The following SEMA5B variants were observed in gnomAD, a reference collection of about 807,000 sequenced individuals.
SEMA5B encodes semaphorin 5B.
Under a neutral mutation model 135.0 loss-of-function variants are expected in SEMA5B, and 66 were observed. The ratio of observed to expected loss-of-function variants is 0.49; its 90% CI spans 0.40 to 0.60. SEMA5B has a LOEUF of 0.60. Ranked by LOEUF, SEMA5B falls within the 20% of genes least tolerant of loss-of-function variation. The probability of loss-of-function intolerance (pLI) is 0.00; values close to 1 mark genes in which losing one functional copy is unlikely to be tolerated. For missense variants in SEMA5B, 1,501 were observed against 1,566.3 expected (o/e 0.96, Z 0.70); for synonymous variants, 690 against 639.5 (o/e 1.08, Z -1.19).
At chr3:122,944,841 G>GGT (rs1939713679) in intron 3 of SEMA5B, among the ~76,000 whole-genome samples, 1 of 152,192 alleles carries the variant, frequency 6.6e-6, no homozygotes, top group East Asian at 1.9e-4. Flanking sequence ...CCCATGGATG[G>GGT]GTGGGAATTG....
intron 1 of SEMA5B, among the ~76,000 whole-genome samples, chr3:122,986,367 A>C (rs530861398): frequency 5.9e-5 from 9 of 152,372 alleles, no homozygotes; most frequent in African/African-American, 2.2e-4. Flanking sequence ...ATATACAACC[A>C]TTTTTGACAT....
chr3:123,011,892 CG>C (rs1942445229), intron 1 of SEMA5B, among the ~76,000 whole-genome samples: 1 of 152,184 alleles, frequency 6.6e-6, no homozygotes, highest in Non-Finnish European at 1.5e-5. Context: ...AGCAAGACAG[CG>C]CTTCTGAACA....
At chr3:122,976,127 G>C (rs1261966278) in intron 1 of SEMA5B, 1 of 1,535,194 alleles carries the variant, frequency 6.5e-7, no homozygotes, top group African/African-American at 1.4e-5. Context: ...GCAGCATGTG[G>C]TTTATACACT....
intron 21 of SEMA5B, 74 bp downstream of exon 21, chr3:122,911,417 A>G (rs1937694061): frequency 1.3e-6 from 2 of 1,570,186 alleles, no homozygotes; most frequent in Non-Finnish European, 8.6e-7. Flanking sequence ...GGATGTGGAA[A>G]GAGTCCAGAC....
At chr3:122,938,475 G>A (rs35311190) in intron 5 of SEMA5B, among the ~76,000 whole-genome samples, 22,233 of 152,096 alleles carry the variant, frequency 0.15, 1,980 homozygotes, top group East Asian at 0.35. Context: ...GGACCCAGGT[G>A]TGGCCAGAAT....
intron 1 of SEMA5B, among the ~76,000 whole-genome samples, chr3:123,004,751 C>T (rs1273213635): frequency 6.6e-6 from 1 of 152,284 alleles, no homozygotes; most frequent in African/African-American, 2.4e-5. Flanking sequence ...ATTGATTGCA[C>T]CTCATTTCCG....
chr3:122,979,794 TGGCCA>T, intron 1 of SEMA5B, among the ~76,000 whole-genome samples: 1 of 152,368 alleles, frequency 6.6e-6, no homozygotes, highest in Admixed American at 6.5e-5. Context: ...CTGTTTGTTT[TGGCCA>T]AACCAGCATA....
intron 1 of SEMA5B, among the ~76,000 whole-genome samples, chr3:123,024,378 T>C (rs1185566274): frequency 6.6e-6 from 1 of 152,256 alleles, no homozygotes; most frequent in East Asian, 1.9e-4. Context: ...AAACATCCAA[T>C]GTGAGCTTCT....
At chr3:122,945,546 C>G (rs1939746434) in intron 3 of SEMA5B, among the ~76,000 whole-genome samples, 1 of 152,122 alleles carries the variant, frequency 6.6e-6, no homozygotes, top group African/African-American at 2.4e-5. Context: ...GTGTATTTGA[C>G]CACTCTGAAT....
rs912748885 is a variant in SEMA5B, at chr3:123,027,643, C to T, written c.-218G>A. The T allele has an allele frequency of 8.5e-5, 13 of 152,304 alleles. No individual in the cohort carries two copies. Among genetic ancestry groups the T allele is most frequent in the Non-Finnish European group, 1.3e-4 (9 of 68,068 alleles). 9.4% of individuals were successfully genotyped at this position (152,304 alleles called of 1,614,324 possible). The stretch of plus-strand genomic sequence containing the variant: ...CCCACCCGGGCCCGCGCCCGCTGCG[C>T]TCGGGCTCCCAGCAGCCGCTGGATG... On this transcript the variant is annotated 5_prime_UTR_variant, in exon 1 of 23. Transcript: ENST00000357599.
chr3:122,966,554 A>ATTTTTTTTT (rs1335935235), intron 1 of SEMA5B, among the ~76,000 whole-genome samples: 5 of 147,058 alleles, frequency 3.4e-5, no homozygotes, highest in African/African-American at 1.3e-4. Flanking sequence ...TATTATTATT[A>ATTTTTTTTT]TTATTATTAT....
At chr3:122,993,043 C>T (rs781153254) in intron 1 of SEMA5B, 9 of 152,306 alleles carry the variant, frequency 5.9e-5, no homozygotes, top group African/African-American at 1.4e-4. Context: ...GTTCTCAGTC[C>T]AGGGGAGCCA....
chr3:122,950,087 T>C lies in SEMA5B; in HGVS notation c.125-1378A>G, dbSNP rs1939977025. Among the ~76,000 whole-genome samples the C allele has an allele frequency of 2.6e-5, 4 of 152,206 alleles. No homozygotes were observed. In the South Asian group the frequency reaches 8.3e-4, roughly 31 times the overall value. On this transcript the variant is annotated intron_variant, in intron 2 of 22. Coordinates refer to ENST00000357599, the MANE Select transcript of SEMA5B (RefSeq NM_001031702.4). ...ATTCATCGGGTGATTATAGAACTTC[T>C]AGGAATCAAGAAGGAAAAGACTAAC...
At chr3:122,994,158 C>T (rs2107730794) in intron 1 of SEMA5B, among the ~76,000 whole-genome samples, 1 of 152,244 alleles carries the variant, frequency 6.6e-6, no homozygotes, top group African/African-American at 2.4e-5. Context: ...CCCACCAAGA[C>T]ACCCCACAGA....
chr3:122,955,846 C>A (rs544492767), intron 2 of SEMA5B, among the ~76,000 whole-genome samples: 17 of 152,364 alleles, frequency 1.1e-4, no homozygotes, highest in African/African-American at 4.1e-4. Flanking sequence ...ACCTAAGTAT[C>A]TGTTCATTCA....
In SEMA5B at chr3:122,923,702, G is replaced by T. The variant is rs1053247011; in HGVS notation, c.1187C>A (p.Ser396Tyr). The change falls in exon 10 of 23, where the codon TCC becomes TAC. Residue 396 changes from serine (S) to tyrosine (Y), a missense_variant. Ser to Tyr is a moderately radical substitution (Grantham distance 144, BLOSUM62 -2). Around this residue, in one of 2 missense-constraint regions of SEMA5B, gnomAD observed 574 missense variants for 684.7 expected, o/e 0.84. Transcript: ENST00000357599. ...AVCAFNLSAI[S>Y]QAFNGPFRYQ... ...GCGAAATGGGCCATTGAAAGCCTGG[G>T]AGATAGCACTGAGGTTGAAGGCGCA... 1.9e-6 allele frequency: 3 copies of T among 1,614,152 alleles called. No individual in the cohort carries two copies. Among genetic ancestry groups the T allele is most frequent in the Non-Finnish European group, 2.5e-6 (3 of 1,179,996 alleles).
chr3:122,968,149 A>T (rs913520879), intron 1 of SEMA5B, among the ~76,000 whole-genome samples: 1 of 152,236 alleles, frequency 6.6e-6, no homozygotes, highest in Non-Finnish European at 1.5e-5. Flanking sequence ...CATTATCAGA[A>T]TTGGGCCCCC....
chr3:122,976,523 G>GT (rs529557152), intron 1 of SEMA5B, among the ~76,000 whole-genome samples: 1 of 152,114 alleles, frequency 6.6e-6, no homozygotes, highest in African/African-American at 2.4e-5. Flanking sequence ...GTGCATCCAT[G>GT]TTTTTTTGTC....
chr3:122,961,057 C>A, intron 2 of SEMA5B, 83 bp downstream of exon 2: 1 of 1,418,602 alleles, frequency 7.0e-7, no homozygotes, highest in Non-Finnish European at 9.6e-7. Flanking sequence ...GCTGATGATG[C>A]CCCAGATGAG....
Sources: gnomAD v4.1 joint callset for allele counts (sites outside exome capture counted in the v4.1 genomes callset) on GRCh38, gnomAD v4.1.1 for gene constraint, gnomAD v4.1.1 regional missense constraint, MANE v1.5 for transcripts, NCBI Gene and HGNC (gene_info 2026-07-23, HGNC 2026-07-21) for gene names.